SYNJ2BP: variants seen among roughly 807,000 people sequenced by gnomAD.
SYNJ2BP encodes synaptojanin 2 binding protein.
In SYNJ2BP, 10 loss-of-function variants were observed where a neutral mutation model predicts 16.9. The ratio of observed to expected loss-of-function variants is 0.59; its 90% CI spans 0.36 to 1.00. SYNJ2BP has a LOEUF of 1.00. SYNJ2BP is among the 50% of genes least tolerant of loss of function. The pLI is 0.01. For missense variants in SYNJ2BP, 162 were observed against 186.7 expected (o/e 0.87, Z 0.77); for synonymous variants, 54 against 68.4 (o/e 0.79, Z 1.04).
At position 70,411,380 on chromosome 14, in the gene SYNJ2BP, T is replaced by C. The variant is rs1046630461; in HGVS notation, c.64+5520A>G. Reference sequence around the variant, plus strand: ...TCTATCCTAGGTAAAGCCTGCTTCCTGGAGGAGCTAACTGTTGAACTGAGT... The same window carrying C: ...TCTATCCTAGGTAAAGCCTGCTTCCCGGAGGAGCTAACTGTTGAACTGAGT... On this transcript the variant is annotated intron_variant, in intron 1 of 3. Coordinates refer to ENST00000256366, the MANE Select transcript of SYNJ2BP (RefSeq NM_018373.3). Among the ~76,000 whole-genome samples, 3 of 152,214 alleles carry C rather than the reference T, an allele frequency of 2.0e-5. 1 individual carries two copies. Among genetic ancestry groups the C allele is most frequent in the Admixed American group, 2.0e-4 (3 of 15,286 alleles).
In SYNJ2BP at chr14:70,373,083, T is replaced by C; in HGVS notation, c.346A>G (p.Ser116Gly). ...AGCACCATAAATATGGGAATACCAC[T>C]TGGGTCCCCTTCACCTCGATGTCCT... ...PIGHRGEGDP[S>G]GIPIFMVLVP... The change falls in exon 4 of 4, where the codon AGT becomes GGT. Residue 116 changes from serine to glycine, a missense_variant. Physicochemically the swap from Ser to Gly is moderately conservative, Grantham distance 56 (BLOSUM62 0). Transcript: ENST00000256366. 6.2e-7 allele frequency: 1 copy of C among 1,614,154 alleles called. No individual in the cohort carries two copies.
At chr14:70,411,662 C>G (rs1888475499) in intron 1 of SYNJ2BP, among the ~76,000 whole-genome samples, 1 of 152,212 alleles carries the variant, frequency 6.6e-6, no homozygotes, top group Non-Finnish European at 1.5e-5. Flanking sequence ...GACTCTGGCC[C>G]TAGCCTAAAG....
At position 70,372,768 on chromosome 14, in the gene SYNJ2BP, A is replaced by G. The variant is rs1887543557; in HGVS notation, c.*223T>C. The G allele has an allele frequency of 1.7e-6, 1 of 577,940 alleles. No homozygotes were observed. The highest frequency in any genetic ancestry group is 2.9e-6 in the Non-Finnish European group (1 of 350,402). The allele number at this position is 577,940 out of a possible 1,614,324, so 35.8% of individuals were successfully genotyped here. A position where few individuals can be genotyped will look rare whatever the true frequency, so the allele number is the denominator to read the frequency against. On this transcript the variant is annotated 3_prime_UTR_variant, in exon 4 of 4. Transcript: ENST00000256366. The stretch of plus-strand genomic sequence containing the variant: ...GTCCTAGTAAAATATATAACTCCTC[A>G]TTTGTTCTAAGCCAAGTCTTTTCTT...
At chr14:70,377,903 T>A (rs779775421) in intron 2 of SYNJ2BP, among the ~76,000 whole-genome samples, 2 of 152,240 alleles carry the variant, frequency 1.3e-5, no homozygotes, top group Non-Finnish European at 2.9e-5. Flanking sequence ...AAGAACTGTT[T>A]GCATGCACTA....
rs991049580 is a variant in SYNJ2BP at position 70,373,118 on chromosome 14, T to C, written c.311A>G (p.Asn104Ser). The change falls in exon 4 of 4, where the codon AAT becomes AGT. Residue 104 changes from asparagine (N) to serine (S), a missense_variant. Coordinates refer to ENST00000256366, the MANE Select transcript of SYNJ2BP (RefSeq NM_018373.3). ...TTCACCTCGATGTCCTATAGGTCCA[T>C]TCTGCACCTGTAACTGGAAGGGAAA... The part of the protein sequence containing the change: ...LRVQHRLQVQ[N>S]GPIGHRGEGD... The C allele has an allele frequency of 1.2e-6, 2 of 1,613,804 alleles. No individual in the cohort carries two copies. The highest frequency in any genetic ancestry group is 1.7e-5 in the Admixed American group (1 of 59,922).
chr14:70,390,167 A>C (rs1887949455), intron 1 of SYNJ2BP, among the ~76,000 whole-genome samples: 1 of 148,520 alleles, frequency 6.7e-6, no homozygotes, highest in African/African-American at 2.4e-5. Flanking sequence ...CGTTGTTAGG[A>C]AAGGATTTTA....
chr14:70,416,548 T>C (rs576695773), intron 1 of SYNJ2BP, among the ~76,000 whole-genome samples: 3 of 152,004 alleles, frequency 2.0e-5, no homozygotes, highest in Non-Finnish European at 4.4e-5. Flanking sequence ...CGGTCCCTCA[T>C]AGGGGGAGGG....
At chr14:70,394,785 AAAT>A (rs1211990362) in intron 1 of SYNJ2BP, among the ~76,000 whole-genome samples, 4 of 152,210 alleles carry the variant, frequency 2.6e-5, no homozygotes, top group African/African-American at 7.2e-5. Context: ...ATTATGTACC[AAAT>A]AATATGCTAT....
At chr14:70,389,345 G>A (rs1887929688) in intron 1 of SYNJ2BP, among the ~76,000 whole-genome samples, 1 of 149,628 alleles carries the variant, frequency 6.7e-6, no homozygotes, top group East Asian at 2.0e-4. Context: ...ATGTATGATA[G>A]TGCTTTAGAA....
At chr14:70,394,621 T>C (rs1374936113) in intron 1 of SYNJ2BP, among the ~76,000 whole-genome samples, 1 of 152,116 alleles carries the variant, frequency 6.6e-6, no homozygotes. Context: ...GACACCACTA[T>C]AGGATTAAGA....
chr14:70,399,603 A>G (rs2332372), intron 1 of SYNJ2BP, among the ~76,000 whole-genome samples: 96,780 of 152,016 alleles, frequency 0.64, 31,927 homozygotes, highest in Non-Finnish European at 0.73. Context: ...TCCCGCAGCC[A>G]CTCCTGCTGT....
chr14:70,377,517 C>G (rs960037929), intron 2 of SYNJ2BP, among the ~76,000 whole-genome samples: 1 of 152,210 alleles, frequency 6.6e-6, no homozygotes, highest in Non-Finnish European at 1.5e-5. Context: ...ATTTCTACCT[C>G]TCTCCCTAGC....
At position 70,368,808 on chromosome 14, in the gene SYNJ2BP, G is replaced by A. The variant is rs952624754; in HGVS notation, c.*4183C>T. The A allele has an allele frequency of 1.3e-5, 2 of 152,036 alleles. No homozygotes were observed. The highest frequency in any genetic ancestry group is 1.3e-4 in the Admixed American group (2 of 15,260). The allele number at this position is 152,036 out of a possible 1,614,324, so 9.4% of individuals were successfully genotyped here. A position where few individuals can be genotyped will look rare whatever the true frequency, so the allele number is the denominator to read the frequency against. On this transcript the variant is annotated 3_prime_UTR_variant, in exon 4 of 4. Coordinates refer to ENST00000256366, the MANE Select transcript of SYNJ2BP (RefSeq NM_018373.3). ...AATGCTATATAACATTTTCAACTGCGGCTGCACACCAGAATCACTCAATGA... is the reference window on the plus strand; with the variant it reads ...AATGCTATATAACATTTTCAACTGCAGCTGCACACCAGAATCACTCAATGA...
intron 1 of SYNJ2BP, among the ~76,000 whole-genome samples, chr14:70,411,948 T>C (rs557523872): frequency 2.2e-4 from 33 of 152,276 alleles, no homozygotes; most frequent in African/African-American, 6.3e-4. Flanking sequence ...CAAGAGAAAA[T>C]AGGGCAAGGA....
intron 1 of SYNJ2BP, among the ~76,000 whole-genome samples, chr14:70,412,334 C>T (rs1041831690): frequency 6.6e-6 from 1 of 152,000 alleles, no homozygotes; most frequent in African/African-American, 2.4e-5. Flanking sequence ...GGTTAAAAAT[C>T]CTTTGAAATT....
At chr14:70,388,777 C>T (rs1465696990) in intron 1 of SYNJ2BP, among the ~76,000 whole-genome samples, 171 bp from the exon 2 acceptor site, 1 of 152,000 alleles carries the variant, frequency 6.6e-6, no homozygotes, top group Non-Finnish European at 1.5e-5. Context: ...ACAAGGTCAG[C>T]CATATCAAGA....
At chr14:70,400,203 T>A (rs1032188742) in intron 1 of SYNJ2BP, among the ~76,000 whole-genome samples, 7 of 152,206 alleles carry the variant, frequency 4.6e-5, no homozygotes, top group Admixed American at 3.3e-4. Context: ...AAGACAACAA[T>A]TGTCTGTGAA....
intron 2 of SYNJ2BP, among the ~76,000 whole-genome samples, chr14:70,388,256 G>A (rs572638658): frequency 6.6e-6 from 1 of 152,268 alleles, no homozygotes; most frequent in South Asian, 2.1e-4. Context: ...TTCACATTCT[G>A]GGCTTCACAT....
chr14:70,380,326 G>C (rs1410142976), intron 2 of SYNJ2BP, among the ~76,000 whole-genome samples: 1 of 152,068 alleles, frequency 6.6e-6, no homozygotes, highest in Non-Finnish European at 1.5e-5. Context: ...ATTTTTATTG[G>C]TTTTGCCATT....
Sources: gnomAD v4.1 joint callset for allele counts (sites outside exome capture counted in the v4.1 genomes callset) on GRCh38, gnomAD v4.1.1 for gene constraint, MANE v1.5 for transcripts, NCBI Gene and HGNC (gene_info 2026-07-23, HGNC 2026-07-21) for gene names.